CCDC186: variants seen among roughly 807,000 people sequenced by gnomAD.
The protein encoded by CCDC186 is coiled-coil domain containing 186.
CCDC186 carries 49 observed loss-of-function variants against 113.7 expected under a neutral mutation model. The observed-to-expected ratio is 0.43, with a 90% confidence interval of 0.34 to 0.55. The LOEUF is 0.55. Ranked by LOEUF, CCDC186 falls within the 20% of genes least tolerant of loss-of-function variation. The probability of loss-of-function intolerance (pLI) is 0.02; values close to 1 mark genes in which losing one functional copy is unlikely to be tolerated. For synonymous variants in CCDC186, 355 were observed against 345.8 expected (o/e 1.03, Z -0.30); for missense variants, 890 against 1,011.1 (o/e 0.88, Z 1.62).
intron 15 of CCDC186, among the ~76,000 whole-genome samples, chr10:114,125,624 A>G (rs2119671115): frequency 6.6e-6 from 1 of 152,364 alleles, no homozygotes; most frequent in East Asian, 1.9e-4. Flanking sequence ...AATCAAAACT[A>G]ATTATATGTC....
chr10:114,154,420 G>A (rs1203424905), intron 3 of CCDC186, among the ~76,000 whole-genome samples: 1 of 151,864 alleles, frequency 6.6e-6, no homozygotes, highest in Non-Finnish European at 1.5e-5. Context: ...TAAATAAATA[G>A]TATGAACAAT....
chr10:114,129,361 G>A (rs971347486), intron 13 of CCDC186, among the ~76,000 whole-genome samples: 3 of 151,354 alleles, frequency 2.0e-5, no homozygotes, highest in Admixed American at 1.3e-4. Flanking sequence ...AAAAAAGAAG[G>A]TAGGGAGACA....
chr10:114,130,876 T>A, intron 12 of CCDC186: 1 of 295,022 alleles, frequency 3.4e-6, no homozygotes, highest in Non-Finnish European at 6.2e-6. Flanking sequence ...GACAGGAGTA[T>A]GTGATCAAAA....
intron 6 of CCDC186, among the ~76,000 whole-genome samples, chr10:114,141,819 GTTC>G (rs2031477967): frequency 6.6e-6 from 1 of 152,020 alleles, no homozygotes. Context: ...GGCTGTCCAG[GTTC>G]TTCTTGTTCT....
At position 114,136,717 on chromosome 10, in the gene CCDC186, T is replaced by C. The variant is rs532254694; in HGVS notation, c.1326+469A>G. On this transcript the variant is annotated intron_variant, in intron 7 of 15. Transcript: ENST00000369287. ...GTTCTCTTATAAAATCCATTTAAGT[T>C]GCAGGTACTTTAACATTGGAAATAA... 2.0e-5 allele frequency among the ~76,000 whole-genome samples: 3 copies of C among 152,346 alleles called. No homozygotes were observed. The East Asian group carries it at 5.8e-4, about 29-fold the overall frequency.
chr10:114,152,063 C>A (rs1012867293), intron 3 of CCDC186, among the ~76,000 whole-genome samples: 1 of 152,030 alleles, frequency 6.6e-6, no homozygotes, highest in Admixed American at 6.6e-5. Flanking sequence ...GGGAAAGGAG[C>A]CAGGTAGTGG....
chr10:114,148,356 T>C (rs1271644331), intron 4 of CCDC186, among the ~76,000 whole-genome samples: 2 of 152,174 alleles, frequency 1.3e-5, no homozygotes, highest in African/African-American at 4.8e-5. Flanking sequence ...ATAACTGTTA[T>C]TTAAGCTATT....
chr10:114,136,329 T>C (rs1421311866), intron 7 of CCDC186, 83 bp from the exon 8 acceptor site: 13 of 869,912 alleles, frequency 1.5e-5, no homozygotes, highest in Non-Finnish European at 2.0e-5. Context: ...CTAATCCTAA[T>C]GTAGCATCAT....
chr10:114,149,531 AGGAAAGGGAAGGGAAGGGAAG>A (rs2031748068), intron 4 of CCDC186, among the ~76,000 whole-genome samples: 1 of 130,702 alleles, frequency 7.7e-6, no homozygotes, highest in Non-Finnish European at 1.6e-5. Flanking sequence ...GAAGGAAGGA[AGGAAAGGGAAGGGAAGGGAAG>A]GGAAGGAAAG....
chr10:114,165,010 C>T (rs10509998), intron 1 of CCDC186, among the ~76,000 whole-genome samples: 25,603 of 152,134 alleles, frequency 0.17, 2,490 homozygotes, highest in African/African-American at 0.27. Context: ...AATGGTAACA[C>T]TAGTATTTGA....
chr10:114,124,273 A>G lies in CCDC186; in HGVS notation c.*870T>C, dbSNP rs1407209016. On this transcript the variant is annotated 3_prime_UTR_variant, in exon 16 of 16. Coordinates refer to ENST00000369287, the MANE Select transcript of CCDC186 (RefSeq NM_018017.4). ...ATGGTGCTCAAATGAAATAGTTTAT[A>G]GTGCCATATGCTGGTTTCTTTTGGA... 1.3e-5 allele frequency: 2 copies of G among 152,008 alleles called. No homozygotes were observed. Among genetic ancestry groups the G allele is most frequent in the Non-Finnish European group, 2.9e-5 (2 of 68,016 alleles). 9.4% of individuals were successfully genotyped at this position (152,008 alleles called of 1,614,324 possible).
At chr10:114,166,196 T>C (rs1014247604) in intron 1 of CCDC186, among the ~76,000 whole-genome samples, 1 of 152,142 alleles carries the variant, frequency 6.6e-6, no homozygotes, top group African/African-American at 2.4e-5. Flanking sequence ...AGTAAACCAG[T>C]TGTACTACTT....
Position 114,137,263 on chromosome 10 carries a change from T to C in CCDC186, c.1249A>G (p.Thr417Ala), listed in dbSNP as rs771935548. The C allele has an allele frequency of 6.2e-7, 1 of 1,613,708 alleles. No individual in the cohort carries two copies. Among genetic ancestry groups the C allele is most frequent in the Non-Finnish European group, 8.5e-7 (1 of 1,179,958 alleles). ...KETKDKLKET[T>A]TKLTQAKEEA... is the part of the protein sequence containing the mutation. ...TCCTTTGCTTGTGTTAATTTTGTTG[T>C]TGTTTCTTTGAGTTTATCTTTGGTT... is the stretch of plus-strand genomic sequence containing the variant. Residue 417 changes from threonine to alanine, a missense_variant, in exon 7 of 16, where the codon ACA (threonine) becomes GCA (alanine). Coordinates refer to ENST00000369287, the MANE Select transcript of CCDC186 (RefSeq NM_018017.4).
intron 13 of CCDC186, among the ~76,000 whole-genome samples, chr10:114,129,433 T>C (rs1037052676): frequency 5.3e-5 from 8 of 152,150 alleles, no homozygotes; most frequent in African/African-American, 1.7e-4. Context: ...AACTTAAATA[T>C]TTAACCAGAA....
chr10:114,147,039 G>C (rs534057155), intron 4 of CCDC186, among the ~76,000 whole-genome samples: 1 of 152,252 alleles, frequency 6.6e-6, no homozygotes, highest in East Asian at 1.9e-4. Flanking sequence ...GATATGATAG[G>C]CCCCGAGGTT....
At chr10:114,165,617 A>G (rs1330189189) in intron 1 of CCDC186, among the ~76,000 whole-genome samples, 2 of 152,052 alleles carry the variant, frequency 1.3e-5, no homozygotes, top group Non-Finnish European at 2.9e-5. Context: ...TTGAACCCGG[A>G]AGGCAGAGGT....
intron 13 of CCDC186, among the ~76,000 whole-genome samples, chr10:114,129,209 TC>T (rs980485735): frequency 6.6e-6 from 1 of 151,822 alleles, no homozygotes; most frequent in Non-Finnish European, 1.5e-5. Flanking sequence ...TGCCTATAGT[TC>T]CGGTTACTTG....
intron 10 of CCDC186, among the ~76,000 whole-genome samples, chr10:114,133,757 T>G (rs2031167584): frequency 6.6e-6 from 1 of 152,142 alleles, no homozygotes. Flanking sequence ...TCAGTAATTT[T>G]TAATAAAATG....
At chr10:114,161,764 A>G (rs1424016641) in intron 2 of CCDC186, 1 of 152,208 alleles carries the variant, frequency 6.6e-6, no homozygotes, top group South Asian at 2.1e-4. Context: ...CATTATTAAC[A>G]ACAGCCAAAA....
Sources: allele counts gnomAD v4.1 joint callset (sites outside exome capture counted in the v4.1 genomes callset), GRCh38; gene constraint gnomAD v4.1.1; transcripts MANE v1.5; gene names NCBI Gene and HGNC (gene_info 2026-07-23, HGNC 2026-07-21).